Variants in SMURF1 observed in about 807,000 individuals in gnomAD.
SMURF1 encodes SMAD specific E3 ubiquitin protein ligase 1, also known as E3 ubiquitin-protein ligase SMURF1.
A neutral mutation model predicts 98.0 loss-of-function variants in SMURF1; 44 were observed. The observed-to-expected ratio is 0.45, with a 90% CI of 0.35 to 0.58. SMURF1 has a LOEUF of 0.58. SMURF1 is among the 20% of genes least tolerant of loss of function. The pLI is 0.00. For missense variants in SMURF1, 687 were observed against 938.4 expected (o/e 0.73, Z 3.50); for synonymous variants, 396 against 374.9 (o/e 1.06, Z -0.65).
intron 10 of SMURF1, 120 bp downstream of exon 10, chr7:99,047,564 T>C: frequency 1.0e-6 from 1 of 996,946 alleles, no homozygotes; most frequent in South Asian, 1.6e-5. Context: ...AACGCAGACA[T>C]CACCCACAAA....
chr7:99,030,570 C>T lies in SMURF1; in HGVS notation c.*14G>A, dbSNP rs1450073398. The T allele has an allele frequency of 4.3e-6, 7 of 1,612,764 alleles. No individual in the cohort carries two copies. Among genetic ancestry groups the T allele is most frequent in the Non-Finnish European group, 5.9e-6 (7 of 1,178,826 alleles). ...GGTGGCCATGAGCTAGACTCTGTTG[C>T]CTTTGGTTGCTTTTCACTCCACAGC... On this transcript the variant is annotated 3_prime_UTR_variant, in exon 18 of 18. Coordinates refer to ENST00000361368, the MANE Select transcript of SMURF1 (RefSeq NM_181349.3).
chr7:99,042,062 T>A (rs1350555511), intron 12 of SMURF1, 56 bp downstream of exon 12: 2 of 1,366,518 alleles, frequency 1.5e-6, no homozygotes, highest in Non-Finnish European at 2.1e-6. Flanking sequence ...AAACTGAAAA[T>A]CCATCTCAAA....
At chr7:99,063,263 A>ATGATT (rs1796097031) in intron 1 of SMURF1, among the ~76,000 whole-genome samples, 2 of 8,224 alleles carry the variant, frequency 2.4e-4, no homozygotes, top group African/African-American at 6.0e-4. Context: ...ATATATATAT[A>ATGATT]TATATATATA....
chr7:99,047,544 G>T (rs1239170471), intron 10 of SMURF1, 140 bp downstream of exon 10: 3 of 820,140 alleles, frequency 3.7e-6, no homozygotes, highest in East Asian at 2.7e-5. Context: ...CAGAAAGAAG[G>T]GTTCCCTGAA....
At chr7:99,043,333 T>G (rs1328674435) in intron 11 of SMURF1, among the ~76,000 whole-genome samples, 1 of 152,142 alleles carries the variant, frequency 6.6e-6, no homozygotes, top group Non-Finnish European at 1.5e-5. Flanking sequence ...CCTGCACATG[T>G]GTAATACACA....
chr7:99,078,082 T>G (rs1226501135), intron 1 of SMURF1, among the ~76,000 whole-genome samples: 1 of 152,136 alleles, frequency 6.6e-6, no homozygotes, highest in East Asian at 1.9e-4. Context: ...GTGGATCACC[T>G]GAGGTCAGGA....
At chr7:99,104,804 C>T (rs1797160011) in intron 1 of SMURF1, among the ~76,000 whole-genome samples, 1 of 152,122 alleles carries the variant, frequency 6.6e-6, no homozygotes, top group Admixed American at 6.5e-5. Context: ...AGCTGGGGAT[C>T]CCACATTACA....
At chr7:99,093,084 T>C (rs919387546) in intron 1 of SMURF1, among the ~76,000 whole-genome samples, 3 of 152,038 alleles carry the variant, frequency 2.0e-5, no homozygotes, top group East Asian at 1.9e-4. Flanking sequence ...CCATGAGACA[T>C]TGATGGGGTA....
At chr7:99,094,422 A>C (rs1796897653) in intron 1 of SMURF1, among the ~76,000 whole-genome samples, 1 of 152,228 alleles carries the variant, frequency 6.6e-6, no homozygotes, top group Non-Finnish European at 1.5e-5. Context: ...ATACATCTGA[A>C]GTCACTTGAA....
chr7:99,087,665 C>T (rs1379209860), intron 1 of SMURF1, among the ~76,000 whole-genome samples: 1 of 152,162 alleles, frequency 6.6e-6, no homozygotes, highest in Non-Finnish European at 1.5e-5. Flanking sequence ...AACGATAGTG[C>T]AAGGCTGATC....
chr7:99,120,896 T>G (rs1364289693), intron 1 of SMURF1: 4 of 138,782 alleles, frequency 2.9e-5, no homozygotes, highest in Admixed American at 1.4e-4. Context: ...AAAAGATTTG[T>G]TTTTTTTTTT....
At chr7:99,030,858 T>C (rs796854372) in intron 17 of SMURF1, 175 bp from the exon 18 acceptor site, 1 of 536,746 alleles carries the variant, frequency 1.9e-6, no homozygotes, top group Non-Finnish European at 3.3e-6. Flanking sequence ...ATACAAAGAT[T>C]TGTAATTTGT....
rs1796039929 is a variant in SMURF1, at chr7:99,061,783, A to G, written c.94+16T>C. ...GCATAACATTATAAGAGGGAAAAAA[A>G]TAAGTGTTTACTTACTGAAGAAGTC... On this transcript the variant is annotated intron_variant, in intron 2 of 17. Coordinates refer to ENST00000361368, the MANE Select transcript of SMURF1 (RefSeq NM_181349.3). 1 of 1,587,820 alleles carries G rather than the reference A, an allele frequency of 6.3e-7. No homozygotes were observed. The highest frequency in any genetic ancestry group is 1.2e-5 in the South Asian group (1 of 86,250).
intron 3 of SMURF1, 54 bp from the exon 4 acceptor site, chr7:99,057,605 G>GTTTTTTTT: frequency 9.1e-7 from 1 of 1,104,852 alleles, no homozygotes. Context: ...TTTTTGTTTT[G>GTTTTTTTT]TTTTTTTTTT....
intron 10 of SMURF1, among the ~76,000 whole-genome samples, chr7:99,046,932 C>T (rs1243095565): frequency 2.6e-5 from 4 of 152,242 alleles, no homozygotes; most frequent in East Asian, 1.9e-4. Flanking sequence ...GTGGGGAAGG[C>T]GCTCAGCTCC....
At chr7:99,073,539 T>C (rs1584147587) in intron 1 of SMURF1, among the ~76,000 whole-genome samples, 1 of 149,552 alleles carries the variant, frequency 6.7e-6, no homozygotes, top group African/African-American at 2.5e-5. Context: ...CCAAGGCAGG[T>C]GGATCACATG....
At chr7:99,071,182 C>T (rs745737127) in intron 1 of SMURF1, among the ~76,000 whole-genome samples, 1 of 152,032 alleles carries the variant, frequency 6.6e-6, no homozygotes. Flanking sequence ...GCCTCAGCCC[C>T]CCTAGTAGCT....
chr7:99,131,836 T>C (rs576425857), intron 1 of SMURF1, among the ~76,000 whole-genome samples: 50 of 152,166 alleles, frequency 3.3e-4, no homozygotes, highest in African/African-American at 1.2e-3. Flanking sequence ...GAGATAAGGC[T>C]GTGGGGTAGG....
At chr7:99,042,325 G>A in intron 11 of SMURF1, 93 bp from the exon 12 acceptor site, 1 of 799,268 alleles carries the variant, frequency 1.3e-6, no homozygotes, top group Non-Finnish European at 2.0e-6. Context: ...TGTCGCCCAG[G>A]CTGGAGTGCA....
Sources: gnomAD v4.1 joint callset for allele counts (sites outside exome capture counted in the v4.1 genomes callset) on GRCh38, gnomAD v4.1.1 for gene constraint, MANE v1.5 for transcripts, NCBI Gene and HGNC (gene_info 2026-07-23, HGNC 2026-07-21) for gene names.